Variants in OR4K1 observed in about 807,000 individuals in gnomAD.
OR4K1 encodes olfactory receptor family 4 subfamily K member 1.
In OR4K1, 16 loss-of-function variants were observed where a neutral mutation model predicts 14.4. That is an observed-to-expected ratio of 1.11 (90% confidence interval 0.75 to 1.68). OR4K1 has a LOEUF of 1.68. Among genes scored for constraint, OR4K1 ranks in the 40% most tolerant of loss-of-function variants. The probability of loss-of-function intolerance (pLI) is 0.00; values close to 1 mark genes in which losing one functional copy is unlikely to be tolerated. For missense variants in OR4K1, 548 were observed against 376.9 expected (o/e 1.45, Z -3.76); for synonymous variants, 181 against 133.1 (o/e 1.36, Z -2.48).
upstream of OR4K1, among the ~76,000 whole-genome samples, chr14:19,930,440 CTT>C (rs1394016003): frequency 6.6e-6 from 1 of 152,182 alleles, no homozygotes; most frequent in East Asian, 1.9e-4. Flanking sequence ...ATGAGAGCCT[CTT>C]TAAATATTTG....
the OR4K1 span, chr14:19,920,914 T>G: frequency 2.5e-6 from 4 of 1,614,216 alleles, no homozygotes; most frequent in Non-Finnish European, 3.4e-6. Flanking sequence ...CAAATTTTCT[T>G]TATTCACCTT....
upstream of OR4K1, among the ~76,000 whole-genome samples, chr14:19,927,413 G>A (rs1484826867): frequency 2.6e-5 from 4 of 152,216 alleles, no homozygotes; most frequent in Admixed American, 2.0e-4. Flanking sequence ...TGTGGGCTTT[G>A]AAAAATGGCT....
intron 1 of OR4K1, among the ~76,000 whole-genome samples, chr14:19,934,765 G>T (rs1882265975): frequency 6.6e-6 from 1 of 152,066 alleles, no homozygotes; most frequent in African/African-American, 2.4e-5. Context: ...CCGCCTCCCA[G>T]GTTCAAGCAA....
chr14:19,936,266 A>C lies in OR4K1; in HGVS notation c.600A>C (p.Leu200=). 6.2e-7 allele frequency: 1 copy of C among 1,614,240 alleles called. No individual in the cohort carries two copies. Among genetic ancestry groups the C allele is most frequent in the South Asian group, 1.1e-5 (1 of 91,088 alleles). Residue 200 remains leucine (L), a synonymous_variant, in exon 2 of 2, where the codon CTA becomes CTC. Coordinates refer to ENST00000641172, the MANE Select transcript of OR4K1 (RefSeq NM_001004063.3). The part of the protein sequence containing the change: ...MDTYEMEIMT[L]TNSGLISLSC... ...CATATGAAATGGAAATTATGACCCT[A>C]ACGAACAGTGGCCTGATATCATTGA...
chr14:19,921,505 AAATTGTG>A, the OR4K1 span: 1 of 1,614,030 alleles, frequency 6.2e-7, no homozygotes, highest in Non-Finnish European at 8.5e-7. Context: ...GCCGTAAGGA[AAATTGTG>A]AACCATTACC....
chr14:19,932,067 C>A (rs146857089), intron 1 of OR4K1, among the ~76,000 whole-genome samples: 686 of 151,974 alleles, frequency 4.5e-3, no homozygotes, highest in Non-Finnish European at 5.6e-3. Context: ...GTTCTACTTG[C>A]ATTTAAAAAA....
chr14:19,926,454 A>G (rs1159087779), upstream of OR4K1, among the ~76,000 whole-genome samples: 1 of 152,264 alleles, frequency 6.6e-6, no homozygotes, highest in Non-Finnish European at 1.5e-5. Context: ...ACATACAAGA[A>G]GGTTAGCAAT....
At chr14:19,924,036 T>TA in the OR4K1 span, among the ~76,000 whole-genome samples, 2 of 152,036 alleles carry the variant, frequency 1.3e-5, no homozygotes, top group African/African-American at 4.8e-5. Context: ...GCCAGTTGAA[T>TA]AAAAAAAAGT....
At chr14:19,923,857 T>C in the OR4K1 span, among the ~76,000 whole-genome samples, 1 of 152,264 alleles carries the variant, frequency 6.6e-6, no homozygotes, top group African/African-American at 2.4e-5. Flanking sequence ...TAGTAGCTAA[T>C]TCCTATTACC....
upstream of OR4K1, among the ~76,000 whole-genome samples, chr14:19,929,079 A>C (rs1182508092): frequency 6.6e-6 from 1 of 151,922 alleles, no homozygotes; most frequent in African/African-American, 2.4e-5. Flanking sequence ...GATTATAAAA[A>C]AATCTTCACG....
the OR4K1 span, chr14:19,921,752 A>T: frequency 1.4e-6 from 1 of 710,398 alleles, no homozygotes; most frequent in South Asian, 2.4e-5. Context: ...AAAAACATGG[A>T]AAAATCTCTG....
rs774377163 is a variant in OR4K1, at chr14:19,936,310, T to C, written c.644T>C (p.Ile215Thr). ...LISLSCFLAL[I>T]ISYTIILIGV... ...TCATTGAGCTGTTTCCTGGCTTTAA[T>C]TATTTCCTACACCATCATTTTGATC... Residue 215 changes from isoleucine to threonine, a missense_variant, in exon 2 of 2, where the codon ATT becomes ACT. Ile to Thr is a moderately conservative substitution (Grantham distance 89). Coordinates refer to ENST00000641172, the MANE Select transcript of OR4K1 (RefSeq NM_001004063.3). 3.1e-6 allele frequency: 5 copies of C among 1,614,286 alleles called. No individual in the cohort carries two copies. In the East Asian group the frequency reaches 8.9e-5, roughly 29 times the overall value.
chr14:19,920,983 T>G, the OR4K1 span: 1 of 1,614,216 alleles, frequency 6.2e-7, no homozygotes, highest in Non-Finnish European at 8.5e-7. Flanking sequence ...TATGTAGCCA[T>G]ATGCAAACCC....
At chr14:19,921,670 A>G in the OR4K1 span, 1 of 1,286,200 alleles carries the variant, frequency 7.8e-7, no homozygotes, top group Non-Finnish European at 1.1e-6. Context: ...AAAGTAGTGA[A>G]GAAGATAATA....
the OR4K1 span, chr14:19,920,488 C>T: frequency 2.3e-6 from 3 of 1,318,728 alleles, no homozygotes; most frequent in South Asian, 3.0e-5. Context: ...TCAGCAAATG[C>T]ACATTATATC....
chr14:19,929,136 T>G (rs1882127511), upstream of OR4K1, among the ~76,000 whole-genome samples: 1 of 151,522 alleles, frequency 6.6e-6, no homozygotes, highest in Non-Finnish European at 1.5e-5. Flanking sequence ...CAATTAAAAT[T>G]TATTTTGCTT....
At chr14:19,923,786 T>C in the OR4K1 span, among the ~76,000 whole-genome samples, 1 of 152,206 alleles carries the variant, frequency 6.6e-6, no homozygotes, top group African/African-American at 2.4e-5. Flanking sequence ...AAAAACAGTA[T>C]GGTAAAAGAT....
chr14:19,931,870 T>A (rs115892317), intron 1 of OR4K1, among the ~76,000 whole-genome samples: 2,796 of 152,158 alleles, frequency 0.018, 53 homozygotes, highest in African/African-American at 0.063. Context: ...TTTTATAAAC[T>A]CCATGTGTTT....
chr14:19,935,009 A>G (rs1472672214), intron 1 of OR4K1, among the ~76,000 whole-genome samples: 2 of 152,208 alleles, frequency 1.3e-5, no homozygotes, highest in African/African-American at 2.4e-5. Flanking sequence ...CAAGAACATT[A>G]TGACTCTCAG....
Sources: gnomAD v4.1 joint callset for allele counts (sites outside exome capture counted in the v4.1 genomes callset) on GRCh38, gnomAD v4.1.1 for gene constraint, MANE v1.5 for transcripts, NCBI Gene and HGNC (gene_info 2026-07-23, HGNC 2026-07-21) for gene names.